PLB1: variants seen among roughly 807,000 people sequenced by gnomAD.
PLB1 encodes phospholipase B1, membrane-associated.
A neutral mutation model predicts 227.4 loss-of-function variants in PLB1; 242 were observed. The observed-to-expected ratio is 1.06, with a 90% confidence interval of 0.96 to 1.18. The LOEUF is 1.18. Among genes scored for constraint, PLB1 ranks in the 50% most tolerant of loss-of-function variants. The pLI, the probability that PLB1 is intolerant of heterozygous loss-of-function variation, is 0.00. For synonymous variants in PLB1, 757 were observed against 682.2 expected, an observed-to-expected ratio of 1.11 and a Z score of -1.71; for missense variants, 1,858 against 1,816.3, an observed-to-expected ratio of 1.02 and a Z score of -0.42.
chr2:28,636,351 A>G (rs968310476), intron 56 of PLB1, among the ~76,000 whole-genome samples: 2 of 152,200 alleles, frequency 1.3e-5, no homozygotes, highest in Non-Finnish European at 2.9e-5. Context: ...GGTGTGAGCC[A>G]CAATGCTTGG....
chr2:28,605,482 A>G (rs563742185), intron 41 of PLB1, among the ~76,000 whole-genome samples: 4 of 152,196 alleles, frequency 2.6e-5, no homozygotes, highest in African/African-American at 9.6e-5. Context: ...CCAGCAGACC[A>G]AAAGCTGGGA....
chr2:28,570,989 G>A (rs939844584), intron 20 of PLB1, among the ~76,000 whole-genome samples: 1 of 152,108 alleles, frequency 6.6e-6, no homozygotes, highest in African/African-American at 2.4e-5. Context: ...GCCCATGGCA[G>A]TTAGGCAAGA....
chr2:28,531,732 A>T (rs1671037570), intron 8 of PLB1, among the ~76,000 whole-genome samples: 1 of 152,248 alleles, frequency 6.6e-6, no homozygotes, highest in Admixed American at 6.5e-5. Flanking sequence ...TCCACAGTTT[A>T]CACAGCAGTC....
At chr2:28,627,608 C>G (rs1687984722) in intron 51 of PLB1, among the ~76,000 whole-genome samples, 1 of 152,218 alleles carries the variant, frequency 6.6e-6, no homozygotes, top group Non-Finnish European at 1.5e-5. Context: ...CTATCTTGTT[C>G]CTTTCCCCTT....
At chr2:28,502,048 C>T (rs897105788) in intron 1 of PLB1, among the ~76,000 whole-genome samples, 28 of 152,140 alleles carry the variant, frequency 1.8e-4, no homozygotes, top group Non-Finnish European at 3.2e-4. Context: ...TTAGGTATTA[C>T]CAAATTTCCT....
At chr2:28,541,678 G>A (rs1309172233) in intron 12 of PLB1, 29 bp from the exon 13 acceptor site, 13 of 1,578,152 alleles carry the variant, frequency 8.2e-6, no homozygotes, top group African/African-American at 1.3e-5. Flanking sequence ...CATGTTCCTG[G>A]ATGGGCACCT....
chr2:28,597,996 T>G lies in PLB1; in HGVS notation c.2322-9T>G. 1 of 1,611,648 alleles carries G rather than the reference T, an allele frequency of 6.2e-7. No homozygotes were observed. The highest frequency in any genetic ancestry group is 8.5e-7 in the Non-Finnish European group (1 of 1,177,810). On this transcript the variant is annotated splice_polypyrimidine_tract_variant and intron_variant, in intron 33 of 57. Coordinates refer to ENST00000327757, the MANE Select transcript of PLB1 (RefSeq NM_153021.5). Reference sequence around the variant, plus strand: ...CCCTCTCATTCACTGGCTTGCTCACTCCCTACAGTGCAGGAGGGGACGGCT... The same window carrying G: ...CCCTCTCATTCACTGGCTTGCTCACGCCCTACAGTGCAGGAGGGGACGGCT...
intron 57 of PLB1, among the ~76,000 whole-genome samples, chr2:28,641,436 C>G (rs561321728): frequency 1.3e-5 from 2 of 152,258 alleles, no homozygotes; most frequent in Non-Finnish European, 2.9e-5. Flanking sequence ...AGTGAAACCC[C>G]GTCTCTAGTA....
chr2:28,591,262 C>T (rs550075379), intron 30 of PLB1, 91 bp downstream of exon 30: 80 of 1,529,318 alleles, frequency 5.2e-5, no homozygotes, highest in Non-Finnish European at 6.8e-5. Flanking sequence ...GGTGGGAAAG[C>T]GGGCAAGAGT....
At chr2:28,550,168 T>G in intron 16 of PLB1, 84 bp downstream of exon 16, 3 of 1,006,250 alleles carry the variant, frequency 3.0e-6, no homozygotes, top group Non-Finnish European at 4.3e-6. Context: ...ACCTTCCACG[T>G]GGTTTTTTTT....
At chr2:28,540,258 C>T in intron 11 of PLB1, 108 bp from the exon 12 acceptor site, 1 of 864,914 alleles carries the variant, frequency 1.2e-6, no homozygotes, top group Non-Finnish European at 1.9e-6. Context: ...ATCCCTACTC[C>T]TTAAGCAACT....
chr2:28,518,516 T>G lies in PLB1; in HGVS notation c.168T>G (p.Asn56Lys). Residue 56 changes from asparagine (N) to lysine (K), a missense_variant, in exon 3 of 58, where the codon AAT (asparagine) becomes AAG (lysine). By Grantham distance (94) the Asn-to-Lys change is moderately conservative. Coordinates refer to ENST00000327757, the MANE Select transcript of PLB1 (RefSeq NM_153021.5). ...FPCNPNKLGV[N>K]MPSKSVHSLK... is the part of the protein sequence containing the mutation. ...GCAACCCAAATAAATTAGGAGTGAA[T>G]ATGCCTTCTAAATCAGGTATGTAAC... The G allele has an allele frequency of 6.2e-7, 1 of 1,612,558 alleles. No homozygotes were observed. Among genetic ancestry groups the G allele is most frequent in the South Asian group, 1.1e-5 (1 of 91,054 alleles).
intron 46 of PLB1, 167 bp downstream of exon 46, chr2:28,618,566 G>C (rs116547574): frequency 0.032 from 21,479 of 670,760 alleles, 434 homozygotes; most frequent in Non-Finnish European, 0.042. Context: ...AGAATGCCCT[G>C]TCTCGCCACC....
chr2:28,529,222 G>C, intron 6 of PLB1, 95 bp from the exon 7 acceptor site: 1 of 812,462 alleles, frequency 1.2e-6, no homozygotes, highest in South Asian at 1.5e-5. Flanking sequence ...TGAGATTATA[G>C]GCATGAGCCA....
At position 28,607,151 on chromosome 2, in the gene PLB1, C is replaced by CA. The variant is rs551580403; in HGVS notation, c.3129+585dup. On this transcript the variant is annotated intron_variant, in intron 43 of 57. Transcript: ENST00000327757. ...CGTAAGTGGTTGTTAAGCTTGACTTCAGGCCTGGGGTGGGGGCAGGTTCTC... is the reference window on the plus strand; with the variant it reads ...CGTAAGTGGTTGTTAAGCTTGACTTCAAGGCCTGGGGTGGGGGCAGGTTCTC... 3.6e-3 allele frequency among the ~76,000 whole-genome samples: 550 copies of CA among 152,252 alleles called. 7 individuals are homozygous for CA. The highest frequency in any genetic ancestry group is 5.0e-3 in the Non-Finnish European group (339 of 68,018).
chr2:28,547,202 C>CA lies in PLB1; in HGVS notation c.937-1644dup, dbSNP rs531346408. ...AGCAATGAGAATGAGACCCTGTCTCCAAAAAAAAAAAAAAGAAAAAAAAAA... is the reference window on the plus strand; with the variant it reads ...AGCAATGAGAATGAGACCCTGTCTCCAAAAAAAAAAAAAAAGAAAAAAAAAA... On this transcript the variant is annotated intron_variant, in intron 14 of 57. Coordinates refer to ENST00000327757, the MANE Select transcript of PLB1 (RefSeq NM_153021.5). Among the ~76,000 whole-genome samples the CA allele has an allele frequency of 5.4e-4, 54 of 99,866 alleles. 1 individual carries two copies. The highest frequency in any genetic ancestry group is 6.3e-4 in the East Asian group (2 of 3,168). The allele number at this position is 99,866 out of a possible 152,430, so 65.5% of individuals were successfully genotyped here.
intron 35 of PLB1, 124 bp from the exon 36 acceptor site, chr2:28,600,685 C>G: frequency 2.4e-6 from 2 of 844,644 alleles, no homozygotes; most frequent in Non-Finnish European, 3.8e-6. Context: ...GTTTCTGAGC[C>G]TCGGGATCTC....
chr2:28,558,340 C>T lies in PLB1; in HGVS notation c.1148-4701C>T, dbSNP rs541839026. Among the ~76,000 whole-genome samples, 11 of 152,222 alleles carry T rather than the reference C, an allele frequency of 7.2e-5. No individual in the cohort carries two copies. The East Asian group carries it at 2.1e-3, about 29-fold the overall frequency. On this transcript the variant is annotated intron_variant, in intron 17 of 57. Coordinates refer to ENST00000327757, the MANE Select transcript of PLB1 (RefSeq NM_153021.5). ...ATTTCCCCTAACATTTGCATACGAG[C>T]TAGTGTTCACAGGATTCACTGTATG...
intron 2 of PLB1, 35 bp from the exon 3 acceptor site, chr2:28,518,431 C>G: frequency 6.7e-7 from 1 of 1,491,642 alleles, no homozygotes. Flanking sequence ...CTATACAAGG[C>G]AGTTGATGTT....
Sources: allele counts gnomAD v4.1 joint callset (sites outside exome capture counted in the v4.1 genomes callset), GRCh38; gene constraint gnomAD v4.1.1; transcripts MANE v1.5; gene names NCBI Gene and HGNC (gene_info 2026-07-23, HGNC 2026-07-21).